The following SPPL3 variants were observed in gnomAD, a reference collection of about 807,000 sequenced individuals.
SPPL3 encodes signal peptide peptidase-like 3.
A neutral mutation model predicts 42.4 loss-of-function variants in SPPL3; 5 were observed. That is an observed-to-expected ratio of 0.12 (90% CI 0.06 to 0.25). The LOEUF is 0.25. Ranked by LOEUF, SPPL3 falls within the 10% of genes least tolerant of loss-of-function variation. The pLI is 1.00. For synonymous variants in SPPL3, 195 were observed against 181.8 expected, an observed-to-expected ratio of 1.07 and a Z score of -0.58; for missense variants, 235 against 489.0, an observed-to-expected ratio of 0.48 and a Z score of 4.90.
chr12:120,765,676 G>C (rs1868862584), intron 10 of SPPL3, among the ~76,000 whole-genome samples: 2 of 151,882 alleles, frequency 1.3e-5, no homozygotes, highest in Admixed American at 6.6e-5. Context: ...ATTTTTAGGA[G>C]GACTCCCTAG....
At chr12:120,892,573 A>C (rs1162935377) in intron 1 of SPPL3, among the ~76,000 whole-genome samples, 2 of 152,210 alleles carry the variant, frequency 1.3e-5, no homozygotes, top group Non-Finnish European at 2.9e-5. Context: ...GTAATATTTA[A>C]AGGAAATATA....
intron 6 of SPPL3, among the ~76,000 whole-genome samples, chr12:120,777,435 G>A (rs1243460145): frequency 6.6e-6 from 1 of 152,156 alleles, no homozygotes; most frequent in Non-Finnish European, 1.5e-5. Flanking sequence ...GTTTATACAT[G>A]CATCACTTCT....
chr12:120,878,798 T>G (rs184813418), intron 1 of SPPL3, among the ~76,000 whole-genome samples: 1 of 152,122 alleles, frequency 6.6e-6, no homozygotes, highest in Non-Finnish European at 1.5e-5. Context: ...GCTACAGCCT[T>G]GCATTCCTTG....
intron 10 of SPPL3, 75 bp downstream of exon 10, chr12:120,766,188 A>T: frequency 8.2e-7 from 1 of 1,220,124 alleles, no homozygotes; most frequent in Non-Finnish European, 1.1e-6. Context: ...AATCACCTCC[A>T]GCGAGGAGAG....
intron 1 of SPPL3, chr12:120,835,784 T>A (rs1175011204): frequency 6.6e-6 from 1 of 152,188 alleles, no homozygotes; most frequent in African/African-American, 2.4e-5. Context: ...ACAGCTAGCC[T>A]GGGAAAATGA....
At chr12:120,821,461 G>A (rs1031520880) in intron 1 of SPPL3, among the ~76,000 whole-genome samples, 2 of 152,150 alleles carry the variant, frequency 1.3e-5, no homozygotes, top group African/African-American at 4.8e-5. Context: ...TGGTTTCCTC[G>A]GACAAAGCCA....
intron 1 of SPPL3, among the ~76,000 whole-genome samples, chr12:120,853,398 C>T (rs1187316967): frequency 6.6e-6 from 1 of 152,202 alleles, no homozygotes; most frequent in Non-Finnish European, 1.5e-5. Flanking sequence ...TGCACTTACT[C>T]ATTCAAATGT....
intron 1 of SPPL3, among the ~76,000 whole-genome samples, chr12:120,882,026 GA>G (rs1255456845): frequency 4.6e-5 from 7 of 151,910 alleles, no homozygotes; most frequent in African/African-American, 1.7e-4. Context: ...GAAATTTCCA[GA>G]AAAAAGTCGT....
chr12:120,821,400 G>A (rs1729146552), intron 1 of SPPL3, among the ~76,000 whole-genome samples: 1 of 152,248 alleles, frequency 6.6e-6, no homozygotes, highest in South Asian at 2.1e-4. Context: ...GCCGGAAACA[G>A]CCCTGGGCTG....
At chr12:120,780,769 T>A (rs1174009191) in intron 6 of SPPL3, among the ~76,000 whole-genome samples, 2 of 149,232 alleles carry the variant, frequency 1.3e-5, no homozygotes, top group African/African-American at 2.5e-5. Context: ...AAAAATTAGC[T>A]GGGCATGGTG....
intron 2 of SPPL3, among the ~76,000 whole-genome samples, chr12:120,795,432 C>A (rs532140): frequency 0.8 from 121,838 of 152,218 alleles, 49,412 homozygotes; most frequent in African/African-American, 0.92. Context: ...GAATTCTTTC[C>A]GGTAGTGTAT....
chr12:120,852,941 C>G (rs928702188), intron 1 of SPPL3, among the ~76,000 whole-genome samples: 2 of 143,240 alleles, frequency 1.4e-5, no homozygotes, highest in Admixed American at 7.0e-5. Flanking sequence ...GTCGCCCAGG[C>G]TGGAGTGCAG....
At chr12:120,881,596 T>C (rs1873288104) in intron 1 of SPPL3, among the ~76,000 whole-genome samples, 1 of 149,710 alleles carries the variant, frequency 6.7e-6, no homozygotes, top group Non-Finnish European at 1.5e-5. Flanking sequence ...CGAACAGATA[T>C]TTGTACACCA....
chr12:120,776,172 C>CTG (rs1347755159), intron 6 of SPPL3, among the ~76,000 whole-genome samples: 1 of 152,218 alleles, frequency 6.6e-6, no homozygotes, highest in East Asian at 1.9e-4. Context: ...AAGAAGAGAT[C>CTG]TGTGGATAAG....
intron 1 of SPPL3, among the ~76,000 whole-genome samples, chr12:120,818,999 A>C (rs1417122030): frequency 2.6e-5 from 4 of 152,246 alleles, no homozygotes; most frequent in African/African-American, 9.6e-5. Context: ...CTGGATTCTC[A>C]TATCGGCTTC....
chr12:120,874,968 A>G (rs1054916959), intron 1 of SPPL3, among the ~76,000 whole-genome samples: 29 of 152,186 alleles, frequency 1.9e-4, no homozygotes, highest in South Asian at 2.1e-4. Flanking sequence ...ACCAGATTGT[A>G]AGAAAATTTA....
intron 1 of SPPL3, among the ~76,000 whole-genome samples, chr12:120,884,649 T>C (rs759700548): frequency 2.0e-5 from 3 of 151,998 alleles, no homozygotes; most frequent in Non-Finnish European, 4.4e-5. Context: ...GTTGGTAGAA[T>C]TGTGGGTAGT....
At chr12:120,781,392 T>C (rs1305268192) in intron 6 of SPPL3, among the ~76,000 whole-genome samples, 1 of 152,068 alleles carries the variant, frequency 6.6e-6, no homozygotes, top group African/African-American at 2.4e-5. Context: ...TATACTTTTA[T>C]GTAATGATAT....
chr12:120,802,161 C>T (rs1188242782), intron 2 of SPPL3, among the ~76,000 whole-genome samples: 1 of 151,812 alleles, frequency 6.6e-6, no homozygotes, highest in African/African-American at 2.4e-5. Flanking sequence ...AGATTCTAGG[C>T]CTGCCTTTAG....
Sources: gnomAD v4.1 joint callset for allele counts (sites outside exome capture counted in the v4.1 genomes callset) on GRCh38, gnomAD v4.1.1 for gene constraint, MANE v1.5 for transcripts, NCBI Gene and HGNC (gene_info 2026-07-23, HGNC 2026-07-21) for gene names.